Variants in EIF2B3 observed in about 807,000 individuals in gnomAD.
EIF2B3 encodes the protein translation initiation factor eIF2B subunit gamma.
Under a neutral mutation model 54.1 loss-of-function variants are expected in EIF2B3, and 20 were observed. The observed-to-expected ratio is 0.37, with a 90% CI of 0.26 to 0.54. EIF2B3 has a LOEUF of 0.54. Among genes scored for constraint, EIF2B3 ranks in the 20% least tolerant of loss-of-function variants. The pLI, the probability that EIF2B3 is intolerant of heterozygous loss-of-function variation, is 0.86. For missense variants in EIF2B3, 448 were observed against 547.8 expected, an observed-to-expected ratio of 0.82 and a Z score of 1.82; for synonymous variants, 153 against 188.1, an observed-to-expected ratio of 0.81 and a Z score of 1.52.
At chr1:44,904,050 C>T (rs991710901) in intron 5 of EIF2B3, among the ~76,000 whole-genome samples, 6 of 152,110 alleles carry the variant, frequency 3.9e-5, no homozygotes, top group African/African-American at 1.4e-4. Context: ...GCACTCCAGC[C>T]TGGGAGACAG....
chr1:44,897,449 A>AAAAAAAT lies in EIF2B3; in HGVS notation c.567-12_567-6dup. ...TGGAAACGTATTCTAGGATGCCTGC[A>AAAAAAAT]AAAAAATAAAAAATAAAAGAAAGAA... On this transcript the variant is annotated splice_region_variant and splice_polypyrimidine_tract_variant and intron_variant, in intron 5 of 11. Coordinates refer to ENST00000360403, the MANE Select transcript of EIF2B3 (RefSeq NM_020365.5). 1.3e-6 allele frequency: 2 copies of AAAAAAAT among 1,596,758 alleles called. No homozygotes were observed. Among genetic ancestry groups the AAAAAAAT allele is most frequent in the South Asian group, 2.2e-5 (2 of 89,506 alleles).
chr1:44,953,706 C>T (rs264009), intron 3 of EIF2B3, among the ~76,000 whole-genome samples: 72,243 of 151,918 alleles, frequency 0.48, 17,962 homozygotes, highest in African/African-American at 0.62. Flanking sequence ...GGTGGGAAGA[C>T]TGCTTGAGCC....
At chr1:44,899,377 T>A (rs958211547) in intron 5 of EIF2B3, among the ~76,000 whole-genome samples, 1 of 152,190 alleles carries the variant, frequency 6.6e-6, no homozygotes, top group Non-Finnish European at 1.5e-5. Context: ...AAGAAACTAC[T>A]GTTCTGTAAA....
intron 5 of EIF2B3, among the ~76,000 whole-genome samples, chr1:44,923,940 C>CA (rs1464278845): frequency 2.3e-5 from 3 of 131,720 alleles, no homozygotes; most frequent in East Asian, 2.1e-4. Context: ...AATTTCTTTC[C>CA]TTTTTTTTTT....
intron 6 of EIF2B3, among the ~76,000 whole-genome samples, chr1:44,897,100 T>C (rs553432866): frequency 2.5e-4 from 38 of 152,282 alleles, no homozygotes; most frequent in South Asian, 1.9e-3. Flanking sequence ...TGGGTTACCG[T>C]TAAGTGTTAC....
At chr1:44,973,626 C>T (rs527861887) in intron 3 of EIF2B3, among the ~76,000 whole-genome samples, 4 of 152,178 alleles carry the variant, frequency 2.6e-5, no homozygotes, top group Admixed American at 1.3e-4. Context: ...CATGCTTGAA[C>T]CTGGGAGGTA....
chr1:44,937,461 A>G (rs888914644), intron 4 of EIF2B3: 1 of 152,212 alleles, frequency 6.6e-6, no homozygotes, highest in Non-Finnish European at 1.5e-5. Context: ...AAACAAAAGG[A>G]TATAGTTTAT....
chr1:44,925,697 C>T (rs933892790), intron 5 of EIF2B3, among the ~76,000 whole-genome samples: 9 of 151,188 alleles, frequency 6.0e-5, no homozygotes, highest in Non-Finnish European at 8.9e-5. Context: ...GGGGCTGAGG[C>T]GGGTGGACTA....
chr1:44,977,667 G>A (rs997188896), intron 3 of EIF2B3, among the ~76,000 whole-genome samples: 11 of 152,094 alleles, frequency 7.2e-5, no homozygotes, highest in African/African-American at 2.4e-4. Context: ...GTCTTACCAC[G>A]TTGACCAGGC....
At chr1:44,969,022 C>T (rs189415852) in intron 3 of EIF2B3, among the ~76,000 whole-genome samples, 17 of 152,266 alleles carry the variant, frequency 1.1e-4, no homozygotes, top group Admixed American at 8.5e-4. Context: ...TATATGCGCC[C>T]TCCTTTAGGA....
chr1:44,875,744 G>GCTCTCCCTCTCC (rs370371044), intron 8 of EIF2B3, 49 bp from the exon 9 acceptor site: 1 of 1,475,744 alleles, frequency 6.8e-7, no homozygotes, highest in South Asian at 1.1e-5. Flanking sequence ...ACCTTAGGTA[G>GCTCTCCCTCTCC]CTCTCCCTCT....
intron 6 of EIF2B3, among the ~76,000 whole-genome samples, chr1:44,895,448 A>C (rs1352832081): frequency 6.6e-6 from 1 of 152,160 alleles, no homozygotes; most frequent in Non-Finnish European, 1.5e-5. Context: ...TGATAGTATT[A>C]AGAAAGCACT....
At chr1:44,863,568 T>TTTA (rs748710908) in intron 10 of EIF2B3, among the ~76,000 whole-genome samples, 1 of 152,128 alleles carries the variant, frequency 6.6e-6, no homozygotes, top group Non-Finnish European at 1.5e-5. Flanking sequence ...ATTTTAAGTA[T>TTTA]AGAAAAAAAC....
At chr1:44,920,031 T>C (rs973654920) in intron 5 of EIF2B3, among the ~76,000 whole-genome samples, 81 of 148,810 alleles carry the variant, frequency 5.4e-4, no homozygotes, top group Non-Finnish European at 9.6e-4. Context: ...GAATGTCCTT[T>C]TTCTTTCTTT....
intron 3 of EIF2B3, among the ~76,000 whole-genome samples, chr1:44,972,250 A>AAC (rs765384486): frequency 0.25 from 21,639 of 86,358 alleles, 1,646 homozygotes; most frequent in Admixed American, 0.29. Flanking sequence ...CACACACACA[A>AAC]ACACACACAC....
intron 5 of EIF2B3, among the ~76,000 whole-genome samples, chr1:44,917,151 C>G (rs1386666136): frequency 3.9e-5 from 6 of 152,082 alleles, no homozygotes; most frequent in African/African-American, 1.4e-4. Context: ...TTCATAAGTA[C>G]ATTAGGATAA....
chr1:44,884,589 T>A (rs544541811), intron 6 of EIF2B3, among the ~76,000 whole-genome samples: 1 of 152,372 alleles, frequency 6.6e-6, no homozygotes, highest in South Asian at 2.1e-4. Context: ...GATCCTTTGA[T>A]GAAGATTTAA....
chr1:44,954,625 C>T (rs1164109783), intron 3 of EIF2B3, among the ~76,000 whole-genome samples: 2 of 152,148 alleles, frequency 1.3e-5, no homozygotes, highest in Admixed American at 6.6e-5. Flanking sequence ...AGATTTTGGG[C>T]TGGGACGATG....
chr1:44,932,050 T>C (rs927865614), intron 4 of EIF2B3, among the ~76,000 whole-genome samples: 9 of 152,096 alleles, frequency 5.9e-5, no homozygotes, highest in Non-Finnish European at 7.4e-5. Context: ...AGGCGGAGGT[T>C]GCAGTGAGCC....
Sources: allele counts gnomAD v4.1 joint callset (sites outside exome capture counted in the v4.1 genomes callset), GRCh38; gene constraint gnomAD v4.1.1; transcripts MANE v1.5; gene names NCBI Gene and HGNC (gene_info 2026-07-23, HGNC 2026-07-21).